The following SUZ12 variants were observed in gnomAD, a reference collection of about 807,000 sequenced individuals.
SUZ12 encodes the protein polycomb protein SUZ12.
SUZ12 carries 17 observed loss-of-function variants against 87.3 expected under a neutral mutation model. That is an observed-to-expected ratio of 0.19 (90% CI 0.13 to 0.29). The LOEUF (loss-of-function observed/expected upper bound fraction) is 0.29. Among genes scored for constraint, SUZ12 ranks in the 10% least tolerant of loss-of-function variants. The pLI is 1.00. For synonymous variants in SUZ12, 253 were observed against 312.4 expected (o/e 0.81, Z 2.01); for missense variants, 526 against 912.2 (o/e 0.58, Z 5.45).
At position 31,993,242 on chromosome 17, in the gene SUZ12, C is replaced by T; in HGVS notation, c.1202C>T (p.Ala401Val). Reference sequence around the variant, plus strand: ...TGAATATAAAAGTGTATGTTTTCAGCTGTTAAAGAATCATTGACTACAGAT... The same window carrying T: ...TGAATATAAAAGTGTATGTTTTCAGTTGTTAAAGAATCATTGACTACAGAT... ...PGSVKPTQTI[A>V]VKESLTTDLQ... Residue 401 changes from alanine to valine, a missense_variant and splice_region_variant, in exon 11 of 16, where the codon GCT (alanine) becomes GTT (valine). Ala to Val is a moderately conservative substitution (Grantham distance 64, BLOSUM62 0). Transcript: ENST00000322652. 1 of 1,559,886 alleles carries T rather than the reference C, an allele frequency of 6.4e-7. No individual in the cohort carries two copies. The highest frequency in any genetic ancestry group is 8.6e-7 in the Non-Finnish European group (1 of 1,160,130).
chr17:31,998,209 C>A (rs483537), intron 15 of SUZ12, among the ~76,000 whole-genome samples: 138,804 of 151,806 alleles, frequency 0.91, 63,685 homozygotes, highest in East Asian at 1. Context: ...CCTCCGGAGC[C>A]GCTGGGACCA....
Position 31,937,309 on chromosome 17 carries a change from G to C in SUZ12, c.63G>C (p.Gly21=), listed in dbSNP as rs1905990026. The change falls in exon 1 of 16, where the codon GGG becomes GGC. Residue 21 remains glycine (G), a synonymous_variant. Coordinates refer to ENST00000322652, the MANE Select transcript of SUZ12 (RefSeq NM_015355.4). ...GGGSGPSAGS[G]GGGFGGSAAV... is the part of the protein sequence containing the mutation. ...GCTCGGGGCCCAGCGCGGGGTCCGG[G>C]GGAGGCGGCTTCGGGGGTTCGGCGG... 1 of 1,438,422 alleles carries C rather than the reference G, an allele frequency of 7.0e-7. No individual in the cohort carries two copies. Among genetic ancestry groups the C allele is most frequent in the Non-Finnish European group, 9.0e-7 (1 of 1,105,452 alleles). The allele number at this position is 1,438,422 out of a possible 1,614,324, so 89.1% of individuals were successfully genotyped here. A position where few individuals can be genotyped will look rare whatever the true frequency, so the allele number is the denominator to read the frequency against.
intron 3 of SUZ12, among the ~76,000 whole-genome samples, chr17:31,943,619 A>G (rs1906436226): frequency 1.3e-5 from 2 of 152,168 alleles, no homozygotes. Context: ...GCGATAGGCC[A>G]GATTTGACCA....
chr17:31,949,796 G>C (rs1906850954), intron 4 of SUZ12, among the ~76,000 whole-genome samples: 1 of 143,198 alleles, frequency 7.0e-6, no homozygotes, highest in Non-Finnish European at 1.5e-5. Context: ...CAATTCACCT[G>C]TCTCAGCCTC....
chr17:31,959,017 C>T (rs1417936341), intron 4 of SUZ12, among the ~76,000 whole-genome samples: 1 of 152,112 alleles, frequency 6.6e-6, no homozygotes, highest in Non-Finnish European at 1.5e-5. Flanking sequence ...GACTCCGTCT[C>T]AAAATAAATA....
At chr17:31,976,802 C>A (rs1417578803) in intron 8 of SUZ12, among the ~76,000 whole-genome samples, 188 bp downstream of exon 8, 1 of 151,958 alleles carries the variant, frequency 6.6e-6, no homozygotes, top group African/African-American at 2.4e-5. Flanking sequence ...AGGAACTATT[C>A]GGATAGATAG....
Position 31,975,407 on chromosome 17 carries a change from G to T in SUZ12, c.592-75G>T, listed in dbSNP as rs575028137. On this transcript the variant is annotated intron_variant, in intron 6 of 15. Transcript: ENST00000322652. The stretch of plus-strand genomic sequence containing the variant: ...CCTATCTCCCGTGTTTCCTATAGCT[G>T]TGATTAGAAGTTTTATTATAATTCT... The T allele has an allele frequency of 1.2e-4, 128 of 1,047,386 alleles. No homozygotes were observed. In the East Asian group the frequency reaches 2.6e-3, roughly 22 times the overall value. 64.9% of individuals were successfully genotyped at this position (1,047,386 alleles called of 1,614,324 possible). A position where few individuals can be genotyped will look rare whatever the true frequency, so the allele number is the denominator to read the frequency against.
intron 4 of SUZ12, among the ~76,000 whole-genome samples, chr17:31,959,590 GA>G (rs1166203924): frequency 6.6e-6 from 1 of 152,192 alleles, no homozygotes; most frequent in African/African-American, 2.4e-5. Flanking sequence ...AAACCAAGTA[GA>G]TTATCAGACT....
intron 5 of SUZ12, among the ~76,000 whole-genome samples, chr17:31,968,525 A>C (rs1908228701): frequency 6.6e-6 from 1 of 152,138 alleles, no homozygotes; most frequent in Admixed American, 6.5e-5. Flanking sequence ...AGCCACTGAG[A>C]CTGGCCCTAG....
intron 8 of SUZ12, among the ~76,000 whole-genome samples, chr17:31,980,846 T>C (rs1453581993): frequency 1.3e-5 from 2 of 152,150 alleles, no homozygotes; most frequent in Non-Finnish European, 2.9e-5. Context: ...AAAATCTGCA[T>C]GTTAGATGTG....
At chr17:31,948,343 T>C (rs1378478117) in intron 4 of SUZ12, among the ~76,000 whole-genome samples, 1 of 152,210 alleles carries the variant, frequency 6.6e-6, no homozygotes, top group African/African-American at 2.4e-5. Flanking sequence ...TATTTTTTGA[T>C]ATTTTTGATA....
chr17:31,994,741 A>G lies in SUZ12; in HGVS notation c.1595+20A>G, dbSNP rs1909885570. On this transcript the variant is annotated intron_variant, in intron 13 of 15. Transcript: ENST00000322652. ...GTGCAGGTAGGTAAAAAGGGCATATAAGAAAAGTTTAAGCTCTGATTTTTA... is the reference window on the plus strand; with the variant it reads ...GTGCAGGTAGGTAAAAAGGGCATATGAGAAAAGTTTAAGCTCTGATTTTTA... The G allele has an allele frequency of 3.1e-6, 5 of 1,607,584 alleles. No homozygotes were observed. Among genetic ancestry groups the G allele is most frequent in the South Asian group, 1.1e-5 (1 of 89,862 alleles).
chr17:31,975,828 A>C, intron 7 of SUZ12, 115 bp downstream of exon 7: 1 of 785,868 alleles, frequency 1.3e-6, no homozygotes, highest in Non-Finnish European at 2.0e-6. Context: ...CAAACAGTGA[A>C]TTCACCTCCA....
intron 5 of SUZ12, among the ~76,000 whole-genome samples, chr17:31,971,733 C>T (rs1908444378): frequency 6.6e-6 from 1 of 152,072 alleles, no homozygotes; most frequent in African/African-American, 2.4e-5. Context: ...CCTGGCCCTC[C>T]TGCAACTGTT....
At chr17:31,980,009 T>TAG (rs1398224527) in intron 8 of SUZ12, among the ~76,000 whole-genome samples, 2 of 144,806 alleles carry the variant, frequency 1.4e-5, no homozygotes, top group Admixed American at 6.8e-5. Context: ...TATATATATG[T>TAG]ATAGAGAGAG....
In SUZ12 at chr17:31,937,170, A is replaced by C. The variant is rs979491940; in HGVS notation, c.-77A>C. ...CGGTCCGCCGGAGCCTGCTGGGGCG[A>C]GCGGTTGGTATTGCAGGCGCTTGCT... On this transcript the variant is annotated 5_prime_UTR_variant, in exon 1 of 16. Transcript: ENST00000322652. The C allele has an allele frequency of 7.9e-7, 1 of 1,262,214 alleles. No individual in the cohort carries two copies. The highest frequency in any genetic ancestry group is 1.6e-5 in the African/African-American group (1 of 62,536). 78.2% of individuals were successfully genotyped at this position (1,262,214 alleles called of 1,614,324 possible).
intron 6 of SUZ12, 139 bp from the exon 7 acceptor site, chr17:31,975,343 C>G: frequency 1.7e-6 from 1 of 584,284 alleles, no homozygotes; most frequent in South Asian, 3.1e-5. Flanking sequence ...GTTTGCAGAA[C>G]TATGGTTAGA....
At chr17:31,950,981 C>T (rs1367468179) in intron 4 of SUZ12, among the ~76,000 whole-genome samples, 3 of 152,026 alleles carry the variant, frequency 2.0e-5, no homozygotes, top group Non-Finnish European at 4.4e-5. Context: ...GGGGTTTCAC[C>T]GTGTTAGCCA....
rs1184807425 is a variant in SUZ12 at position 31,993,947 on chromosome 17, A to G, written c.1376A>G (p.Lys459Arg). 4 of 1,614,018 alleles carry G rather than the reference A, an allele frequency of 2.5e-6. No homozygotes were observed. The highest frequency in any genetic ancestry group is 3.4e-6 in the Non-Finnish European group (4 of 1,179,988). ...CCTTGGTGTACTCTGAACTGCCGCA[A>G]ACTTTATAGTTTACTCAAGCATCTT... ...HCPWCTLNCR[K>R]LYSLLKHLKL... The change falls in exon 12 of 16, where the codon AAA becomes AGA. Residue 459 changes from lysine to arginine, a missense_variant. Lys to Arg is a conservative substitution (Grantham distance 26). Around this residue, in one of 9 missense-constraint regions of SUZ12, gnomAD observed 143 missense variants for 321.6 expected, o/e 0.44. Transcript: ENST00000322652.
Sources: allele counts gnomAD v4.1 joint callset (sites outside exome capture counted in the v4.1 genomes callset), GRCh38; gene constraint gnomAD v4.1.1; regional missense constraint gnomAD v4.1.1; transcripts MANE v1.5; gene names NCBI Gene and HGNC (gene_info 2026-07-23, HGNC 2026-07-21).